NPSR1: variants seen among roughly 807,000 people sequenced by gnomAD.
The protein encoded by NPSR1 is neuropeptide S receptor 1.
In NPSR1, 48 loss-of-function variants were observed where a neutral mutation model predicts 46.9. The ratio of observed to expected loss-of-function variants is 1.02; its 90% CI spans 0.81 to 1.30. The LOEUF is 1.30. Among genes scored for constraint, NPSR1 ranks in the 50% most tolerant of loss-of-function variants. The pLI, the probability that NPSR1 is intolerant of heterozygous loss-of-function variation, is 0.00. For missense variants in NPSR1, 450 were observed against 449.5 expected, an observed-to-expected ratio of 1.00 and a Z score of -0.01; for synonymous variants, 176 against 168.1, an observed-to-expected ratio of 1.05 and a Z score of -0.36.
At position 34,755,700 on chromosome 7, in the gene NPSR1, ACTT is replaced by A. The variant is rs1466827594; in HGVS notation, c.281-22761_281-22759del. ...GAATTTTGTATTATGTGCAGGTATT[ACTT>A]TTTTTAAATGTCCTAAAAACACCTT... On this transcript the variant is annotated intron_variant, in intron 2 of 8. Coordinates refer to ENST00000360581, the MANE Select transcript of NPSR1 (RefSeq NM_207172.2). Among the ~76,000 whole-genome samples, 5 of 152,188 alleles carry A rather than the reference ACTT, an allele frequency of 3.3e-5. No homozygotes were observed. The East Asian group carries it at 7.7e-4, about 24-fold the overall frequency.
chr7:34,759,568 C>A (rs1786052762), intron 2 of NPSR1, among the ~76,000 whole-genome samples: 1 of 152,150 alleles, frequency 6.6e-6, no homozygotes, highest in Non-Finnish European at 1.5e-5. Flanking sequence ...TTATCTTGTC[C>A]TTTTCCCAGC....
At chr7:34,659,251 C>T (rs554418693) in intron 1 of NPSR1, among the ~76,000 whole-genome samples, 2 of 152,298 alleles carry the variant, frequency 1.3e-5, no homozygotes, top group East Asian at 3.9e-4. Flanking sequence ...CAGAAATGAA[C>T]CGCACATTTG....
intron 2 of NPSR1, among the ~76,000 whole-genome samples, chr7:34,754,158 C>T (rs770536151): frequency 6.6e-6 from 1 of 152,128 alleles, no homozygotes; most frequent in Non-Finnish European, 1.5e-5. Flanking sequence ...GAGGTCTACA[C>T]CCCCTTTGTA....
At chr7:34,676,931 G>C (rs1373257498) in intron 1 of NPSR1, among the ~76,000 whole-genome samples, 2 of 152,102 alleles carry the variant, frequency 1.3e-5, no homozygotes, top group East Asian at 3.9e-4. Flanking sequence ...GCCTGCCCTA[G>C]AGACATCAGC....
intron 3 of NPSR1, among the ~76,000 whole-genome samples, chr7:34,795,066 C>T (rs1409709988): frequency 6.6e-6 from 1 of 151,836 alleles, no homozygotes; most frequent in African/African-American, 2.4e-5. Context: ...AATTATACAC[C>T]ACAAACAAGT....
At chr7:34,828,420 A>C (rs1047228527) in intron 5 of NPSR1, among the ~76,000 whole-genome samples, 3 of 152,352 alleles carry the variant, frequency 2.0e-5, no homozygotes, top group Non-Finnish European at 2.9e-5. Flanking sequence ...AGGGTCTTTC[A>C]ACAGAGATTA....
chr7:34,852,979 A>G (rs1453753743), downstream of NPSR1, among the ~76,000 whole-genome samples: 2 of 152,244 alleles, frequency 1.3e-5, no homozygotes, highest in African/African-American at 2.4e-5. Flanking sequence ...CATGTGGAAC[A>G]TAATTTAGTT....
intron 2 of NPSR1, among the ~76,000 whole-genome samples, chr7:34,743,901 G>A (rs191775785): frequency 6.6e-6 from 1 of 151,964 alleles, no homozygotes; most frequent in Admixed American, 6.6e-5. Context: ...ATGACATATG[G>A]TCTAATATAT....
chr7:34,872,750 T>A (rs997752977), intron 8 of NPSR1, among the ~76,000 whole-genome samples: 10 of 151,812 alleles, frequency 6.6e-5, no homozygotes, highest in African/African-American at 2.4e-4. Flanking sequence ...TTATTCACTA[T>A]CACAAGAACA....
intron 8 of NPSR1, among the ~76,000 whole-genome samples, chr7:34,859,620 G>C (rs1304225539): frequency 3.3e-5 from 5 of 151,720 alleles, no homozygotes; most frequent in Admixed American, 6.6e-5. Flanking sequence ...CTGGGGCAAA[G>C]AGTGTAACTC....
chr7:34,772,582 T>A (rs1043594069), intron 2 of NPSR1, among the ~76,000 whole-genome samples: 17 of 152,140 alleles, frequency 1.1e-4, no homozygotes, highest in Non-Finnish European at 2.4e-4. Flanking sequence ...AAAGAGTCAA[T>A]ACTTGCCTTG....
intron 2 of NPSR1, among the ~76,000 whole-genome samples, chr7:34,731,811 T>C (rs555359718): frequency 6.6e-6 from 1 of 151,856 alleles, no homozygotes; most frequent in Non-Finnish European, 1.5e-5. Flanking sequence ...AAGGAGAAAT[T>C]ATAGGCAGAT....
At position 34,747,659 on chromosome 7, in the gene NPSR1, C is replaced by T. The variant is rs560275050; in HGVS notation, c.281-30803C>T. Reference sequence around the variant, plus strand: ...ACACACGTGCACGAGCACCCACGCACGCATGTGACTGGATACCGCATGAGT... The same window carrying T: ...ACACACGTGCACGAGCACCCACGCATGCATGTGACTGGATACCGCATGAGT... On this transcript the variant is annotated intron_variant, in intron 2 of 8. Transcript: ENST00000360581. 9.2e-5 allele frequency among the ~76,000 whole-genome samples: 14 copies of T among 152,228 alleles called. 1 individual carries two copies. The South Asian group carries it at 2.3e-3, about 25-fold the overall frequency.
At position 34,791,140 on chromosome 7, in the gene NPSR1, TATATA is replaced by T. The variant is rs1332838076; in HGVS notation, c.384+12580_384+12584del. On this transcript the variant is annotated intron_variant, in intron 3 of 8. Coordinates refer to ENST00000360581, the MANE Select transcript of NPSR1 (RefSeq NM_207172.2). ...AATATAATATATATGTTATATATTA[TATATA>T]ATATGTTATATATTATATATGTTAT... Among the ~76,000 whole-genome samples the T allele has an allele frequency of 4.1e-5, 5 of 122,316 alleles. 1 individual carries two copies. The highest frequency in any genetic ancestry group is 9.2e-5 in the African/African-American group (3 of 32,614). 80.2% of individuals were successfully genotyped at this position (122,316 alleles called of 152,430 possible).
In NPSR1 at chr7:34,821,171, G is replaced by C. The variant is rs145230653; in HGVS notation, c.479-6230G>C. Reference sequence around the variant, plus strand: ...TTTTTTTTAGACAGAGTCTCACTCTGTCGCCCGGGCTAGAGCGCAGTGGCG... The same window carrying C: ...TTTTTTTTAGACAGAGTCTCACTCTCTCGCCCGGGCTAGAGCGCAGTGGCG... On this transcript the variant is annotated intron_variant, in intron 4 of 8. Transcript: ENST00000360581. Among the ~76,000 whole-genome samples the C allele has an allele frequency of 4.2e-3, 502 of 118,468 alleles. 2 individuals are homozygous for C. Among genetic ancestry groups the C allele is most frequent in the African/African-American group, 0.015 (464 of 30,666 alleles). 77.7% of individuals were successfully genotyped at this position (118,468 alleles called of 152,430 possible).
intron 3 of NPSR1, among the ~76,000 whole-genome samples, chr7:34,791,336 A>T (rs1787870158): frequency 6.8e-6 from 1 of 146,240 alleles, no homozygotes; most frequent in African/African-American, 2.5e-5. Flanking sequence ...AAACACCACC[A>T]AAAACTGTTA....
At chr7:34,777,898 C>G (rs1583998089) in intron 2 of NPSR1, among the ~76,000 whole-genome samples, 1 of 152,120 alleles carries the variant, frequency 6.6e-6, no homozygotes, top group South Asian at 2.1e-4. Context: ...TGTAATTCAA[C>G]CAAGTATATT....
At chr7:34,808,188 C>T (rs1788803835) in intron 3 of NPSR1, among the ~76,000 whole-genome samples, 1 of 152,198 alleles carries the variant, frequency 6.6e-6, no homozygotes, top group Non-Finnish European at 1.5e-5. Flanking sequence ...CCCCTAGAGT[C>T]TCTGGAGGAC....
intron 3 of NPSR1, among the ~76,000 whole-genome samples, chr7:34,805,479 C>CAAAAAAAAAA (rs57776086): frequency 8.3e-5 from 6 of 71,932 alleles, no homozygotes; most frequent in African/African-American, 2.0e-4. Context: ...TATCCACATG[C>CAAAAAAAAAA]AAAAAAAAAA....
Sources: gnomAD v4.1 joint callset for allele counts (sites outside exome capture counted in the v4.1 genomes callset) on GRCh38, gnomAD v4.1.1 for gene constraint, MANE v1.5 for transcripts, NCBI Gene and HGNC (gene_info 2026-07-23, HGNC 2026-07-21) for gene names.